Variants in RPS6KA1 observed in about 807,000 individuals in gnomAD.
RPS6KA1 encodes the protein ribosomal protein S6 kinase alpha-1.
A neutral mutation model predicts 91.3 loss-of-function variants in RPS6KA1; 48 were observed. The ratio of observed to expected loss-of-function variants is 0.53; its 90% confidence interval spans 0.42 to 0.67. RPS6KA1 has a LOEUF of 0.67. Ranked by LOEUF, RPS6KA1 falls within the 30% of genes least tolerant of loss-of-function variation. RPS6KA1 has a pLI of 0.00. For synonymous variants in RPS6KA1, 359 were observed against 384.7 expected (o/e 0.93, Z 0.78); for missense variants, 719 against 960.5 (o/e 0.75, Z 3.32).
intron 6 of RPS6KA1, chr1:26,552,795 T>C (rs1242336417): frequency 5.6e-6 from 2 of 356,754 alleles, no homozygotes; most frequent in East Asian, 1.1e-4. Context: ...CCGGCTTAAA[T>C]TGTGATTTTA....
intron 2 of RPS6KA1, 34 bp downstream of exon 2, chr1:26,537,003 C>T: frequency 6.2e-7 from 1 of 1,612,030 alleles, no homozygotes; most frequent in Non-Finnish European, 8.5e-7. Flanking sequence ...GAGCGAGGGG[C>T]TGTGGGGGAT....
At chr1:26,543,092 C>A in intron 2 of RPS6KA1, 1 of 1,510,436 alleles carries the variant, frequency 6.6e-7, no homozygotes, top group Non-Finnish European at 8.9e-7. Flanking sequence ...GCCTTCTGGG[C>A]CAGGAAGGCT....
At chr1:26,572,464 G>A (rs2076257611) in intron 20 of RPS6KA1, among the ~76,000 whole-genome samples, 171 bp downstream of exon 20, 1 of 151,808 alleles carries the variant, frequency 6.6e-6, no homozygotes, top group Non-Finnish European at 1.5e-5. Context: ...CACCACCTCC[G>A]TACCTTGTTG....
chr1:26,556,605 C>T, intron 11 of RPS6KA1, 49 bp from the exon 12 acceptor site: 1 of 1,600,822 alleles, frequency 6.2e-7, no homozygotes, highest in Non-Finnish European at 8.6e-7. Flanking sequence ...AGGGTAATAT[C>T]TGGGACTTGT....
Position 26,551,655 on chromosome 1 carries a change from G to C in RPS6KA1, c.400G>C (p.Glu134Gln), listed in dbSNP as rs761167430. ...CTCCCTCTTCCCAGCCTTCCAGACC[G>C]AGGGCAAGCTCTATCTCATTCTGGA... ...VVKLHYAFQT[E>Q]GKLYLILDFL... The change falls in exon 6 of 22, where the codon GAG becomes CAG. Residue 134 changes from glutamate (E) to glutamine (Q), a missense_variant. Transcript: ENST00000374168. This position sits in a 1 kb window ranked among gnomAD's most constrained non-coding sequence, Gnocchi z 4.5. 4 of 1,614,130 alleles carry C rather than the reference G, an allele frequency of 2.5e-6. No homozygotes were observed. Among genetic ancestry groups the C allele is most frequent in the Non-Finnish European group, 3.4e-6 (4 of 1,179,988 alleles).
At chr1:26,556,543 C>T in intron 11 of RPS6KA1, 111 bp from the exon 12 acceptor site, 2 of 1,120,402 alleles carry the variant, frequency 1.8e-6, no homozygotes, top group South Asian at 1.3e-5. Flanking sequence ...AGCCCATTTT[C>T]CCCTCTGCTC....
Position 26,555,001 on chromosome 1 carries a change from G to A in RPS6KA1, c.757-150G>A, listed in dbSNP as rs1333174651. 4 of 884,194 alleles carry A rather than the reference G, an allele frequency of 4.5e-6. No individual in the cohort carries two copies. The highest frequency in any genetic ancestry group is 7.0e-6 in the Non-Finnish European group (4 of 571,444). 54.8% of individuals were successfully genotyped at this position (884,194 alleles called of 1,614,324 possible). On this transcript the variant is annotated intron_variant, in intron 9 of 21. Transcript: ENST00000374168. This position sits in a 1 kb window ranked among gnomAD's most constrained non-coding sequence, Gnocchi z 4.3. ...GCTCCTGGTGGTCTGGTTGGCAGAG[G>A]CAAGAGGGACGGGCATAATTCTTGC...
chr1:26,529,890 G>A lies in RPS6KA1; in HGVS notation c.-31G>A, dbSNP rs2075855154. On this transcript the variant is annotated 5_prime_UTR_variant, in exon 1 of 22. Coordinates refer to ENST00000374168, the MANE Select transcript of RPS6KA1 (RefSeq NM_002953.4). The surrounding 1 kb of genome is among the most constrained non-coding windows in gnomAD (Gnocchi z 4.2). ...GGGAGGCGGCGCAGCCGGGGCCGCC[G>A]GAGGAGCGCGGGTGACCTGGCGGCG... The A allele has an allele frequency of 2.1e-6, 3 of 1,407,638 alleles. No homozygotes were observed. Among genetic ancestry groups the A allele is most frequent in the Non-Finnish European group, 2.8e-6 (3 of 1,078,178 alleles). 87.2% of individuals were successfully genotyped at this position (1,407,638 alleles called of 1,614,324 possible).
intron 4 of RPS6KA1, among the ~76,000 whole-genome samples, chr1:26,550,029 G>A (rs766346010): frequency 4.0e-5 from 6 of 151,812 alleles, no homozygotes; most frequent in Non-Finnish European, 4.4e-5. Flanking sequence ...ACAGGCCCAC[G>A]CCACCACGCC....
At chr1:26,532,030 C>T (rs2124609181) in intron 1 of RPS6KA1, among the ~76,000 whole-genome samples, 1 of 152,266 alleles carries the variant, frequency 6.6e-6, no homozygotes, top group East Asian at 1.9e-4. Context: ...CAGCTCCTAG[C>T]CAGGAAGGAG....
At chr1:26,539,254 T>G (rs962484392) in intron 2 of RPS6KA1, among the ~76,000 whole-genome samples, 1 of 152,118 alleles carries the variant, frequency 6.6e-6, no homozygotes, top group Non-Finnish European at 1.5e-5. Context: ...CAGGGCTGAG[T>G]GTGGACCAGA....
In RPS6KA1 at chr1:26,572,262, G is replaced by A. The variant is rs745798497; in HGVS notation, c.1916G>A (p.Gly639Glu). 9.3e-6 allele frequency: 15 copies of A among 1,613,892 alleles called. No individual in the cohort carries two copies. In the South Asian group the frequency reaches 9.9e-5, roughly 11 times the overall value. ...IGSGKFTLSGGNWNTVSETAK... is the reference protein window; with the variant it reads ...IGSGKFTLSGENWNTVSETAK... ...AGTGGGAAGTTTACCCTCAGTGGGGGAAATTGGAACACAGTTTCAGAGACA... is the reference window on the plus strand; with the variant it reads ...AGTGGGAAGTTTACCCTCAGTGGGGAAAATTGGAACACAGTTTCAGAGACA... Residue 639 changes from glycine (G) to glutamate (E), a missense_variant, in exon 20 of 22, where the codon GGA becomes GAA. Around this residue, in one of 5 missense-constraint regions of RPS6KA1, gnomAD observed 249 missense variants for 323.1 expected, o/e 0.77. Transcript: ENST00000374168.
intron 2 of RPS6KA1, among the ~76,000 whole-genome samples, chr1:26,543,416 T>C (rs908916382): frequency 7.2e-5 from 11 of 152,218 alleles, no homozygotes; most frequent in Non-Finnish European, 1.3e-4. Context: ...TATTGCCATG[T>C]GGGCTTGGCC....
At chr1:26,573,875 T>C (rs1239082764) in intron 21 of RPS6KA1, among the ~76,000 whole-genome samples, 1 of 151,466 alleles carries the variant, frequency 6.6e-6, no homozygotes, top group Non-Finnish European at 1.5e-5. Context: ...GGGGCAGAGG[T>C]TGCAGTGAGC....
At chr1:26,559,580 A>T (rs985386420) in intron 14 of RPS6KA1, among the ~76,000 whole-genome samples, 5 of 144,858 alleles carry the variant, frequency 3.5e-5, no homozygotes, top group African/African-American at 1.0e-4. Context: ...GGGTTTTACC[A>T]TGTTGGCTAG....
rs2076274273 is a variant in RPS6KA1 at position 26,574,038 on chromosome 1, T to A, written c.2086-41T>A. ...GGGCATGGATCCCCTCCCCGCTACA[T>A]CTCCCACCATTGTGACCTGACCTCC... is the stretch of plus-strand genomic sequence containing the variant. On this transcript the variant is annotated intron_variant, in intron 21 of 21. Coordinates refer to ENST00000374168, the MANE Select transcript of RPS6KA1 (RefSeq NM_002953.4). The surrounding 1 kb of genome is among the most constrained non-coding windows in gnomAD (Gnocchi z 4.3). 3 of 1,598,520 alleles carry A rather than the reference T, an allele frequency of 1.9e-6. No individual in the cohort carries two copies. Among genetic ancestry groups the A allele is most frequent in the Non-Finnish European group, 2.6e-6 (3 of 1,168,316 alleles).
At chr1:26,536,867 T>C in intron 1 of RPS6KA1, 58 bp from the exon 2 acceptor site, 17 of 1,598,726 alleles carry the variant, frequency 1.1e-5, no homozygotes, top group Non-Finnish European at 1.5e-5. Flanking sequence ...CCACAGAGTC[T>C]TTCTCCCAAG....
In RPS6KA1 at chr1:26,574,431, C is replaced by CT. The variant is rs751407416; in HGVS notation, c.*238dup. On this transcript the variant is annotated 3_prime_UTR_variant, in exon 22 of 22. Coordinates refer to ENST00000374168, the MANE Select transcript of RPS6KA1 (RefSeq NM_002953.4). This position sits in a 1 kb window ranked among gnomAD's most constrained non-coding sequence, Gnocchi z 4.3. ...GGTGGAAAGCGATTCACTGTATAAA[C>CT]TTTTTTTTATGAAAAAAATGGCATC... 2.3e-5 allele frequency: 17 copies of CT among 737,592 alleles called. No homozygotes were observed. The highest frequency in any genetic ancestry group is 3.8e-5 in the Non-Finnish European group (15 of 393,860). The allele number at this position is 737,592 out of a possible 1,614,324, so 45.7% of individuals were successfully genotyped here.
chr1:26,548,820 A>G (rs2076020263), intron 4 of RPS6KA1, among the ~76,000 whole-genome samples: 2 of 151,934 alleles, frequency 1.3e-5, no homozygotes, highest in African/African-American at 4.8e-5. Context: ...AAAAAGAAAA[A>G]AGAAAATGTA....
Sources: allele counts gnomAD v4.1 joint callset (sites outside exome capture counted in the v4.1 genomes callset), GRCh38; gene constraint gnomAD v4.1.1; regional missense constraint gnomAD v4.1.1; non-coding constraint Gnocchi (gnomAD v3.1); transcripts MANE v1.5; gene names NCBI Gene and HGNC (gene_info 2026-07-23, HGNC 2026-07-21).